Variants in PLA2G2C observed in about 807,000 individuals in gnomAD.
The protein encoded by PLA2G2C is phospholipase A2 group IIC, also known as putative inactive group IIC secretory phospholipase A2.
A neutral mutation model predicts 14.3 loss-of-function variants in PLA2G2C; 15 were observed. That is an observed-to-expected ratio of 1.05 (90% CI 0.70 to 1.62). The LOEUF is 1.62. Ranked by LOEUF, PLA2G2C falls within the 40% of genes most tolerant of loss-of-function variation. PLA2G2C has a pLI of 0.00. For synonymous variants in PLA2G2C, 79 were observed against 67.7 expected, an observed-to-expected ratio of 1.17 and a Z score of -0.82; for missense variants, 162 against 173.2, an observed-to-expected ratio of 0.94 and a Z score of 0.36.
intron 1 of PLA2G2C, among the ~76,000 whole-genome samples, chr1:20,185,220 A>G (rs1223526351): frequency 6.6e-6 from 1 of 152,178 alleles, no homozygotes; most frequent in African/African-American, 2.4e-5. Context: ...CTGAGAGTCT[A>G]ACTGAGGTTA....
At chr1:20,173,765 A>G (rs2018131668) in intron 3 of PLA2G2C, among the ~76,000 whole-genome samples, 2 of 152,224 alleles carry the variant, frequency 1.3e-5, no homozygotes, top group Non-Finnish European at 2.9e-5. Flanking sequence ...CTTGGATTCT[A>G]AGGCCTGAAA....
At chr1:20,165,584 GTGTC>G (rs1389822330) in intron 4 of PLA2G2C, among the ~76,000 whole-genome samples, 1 of 152,204 alleles carries the variant, frequency 6.6e-6, no homozygotes, top group Non-Finnish European at 1.5e-5. Context: ...TTGGGGTTCA[GTGTC>G]TGCACTTTGG....
At chr1:20,177,239 T>C in intron 2 of PLA2G2C, 85 bp downstream of exon 2, 1 of 699,408 alleles carries the variant, frequency 1.4e-6, no homozygotes, top group African/African-American at 1.7e-5. Context: ...TTCCCTCACC[T>C]GGTGCCACCT....
chr1:20,177,257 C>T, intron 2 of PLA2G2C, 67 bp downstream of exon 2: 1 of 699,602 alleles, frequency 1.4e-6, no homozygotes, highest in South Asian at 1.5e-5. Flanking sequence ...CCTGGAGAGT[C>T]CCCCCTCCCA....
At chr1:20,185,951 T>G (rs1399646339) in intron 1 of PLA2G2C, 1 of 152,160 alleles carries the variant, frequency 6.6e-6, no homozygotes, top group African/African-American at 2.4e-5. Flanking sequence ...AGGCTCGCAA[T>G]CCACCGACCT....
In PLA2G2C at chr1:20,163,985, G is replaced by C. The variant is rs775697255; in HGVS notation, c.*6C>G. Reference sequence around the variant, plus strand: ...GCTGGATGATGAGAGGGACCCTGTGGTGTCCCTAGCACCAGGGCTTATGTC... The same window carrying C: ...GCTGGATGATGAGAGGGACCCTGTGCTGTCCCTAGCACCAGGGCTTATGTC... On this transcript the variant is annotated 3_prime_UTR_variant, in exon 5 of 5. Transcript: ENST00000679259. The C allele has an allele frequency of 7.4e-6, 12 of 1,610,968 alleles. No homozygotes were observed. Among genetic ancestry groups the C allele is most frequent in the Non-Finnish European group, 1.0e-5 (12 of 1,178,604 alleles).
At chr1:20,183,583 T>C (rs1280166487) in intron 1 of PLA2G2C, among the ~76,000 whole-genome samples, 1 of 151,606 alleles carries the variant, frequency 6.6e-6, no homozygotes, top group Non-Finnish European at 1.5e-5. Context: ...CTAGGGAGGG[T>C]GCACAGCACC....
At chr1:20,185,290 G>T (rs1225058472) in intron 1 of PLA2G2C, among the ~76,000 whole-genome samples, 1 of 152,170 alleles carries the variant, frequency 6.6e-6, no homozygotes, top group African/African-American at 2.4e-5. Context: ...TTCAATACCC[G>T]TGTGTAGGTG....
At chr1:20,183,548 C>T (rs942026587) in intron 1 of PLA2G2C, among the ~76,000 whole-genome samples, 2 of 152,154 alleles carry the variant, frequency 1.3e-5, no homozygotes, top group East Asian at 1.9e-4. Context: ...CATTAAGGAG[C>T]GTTGTGAAGA....
chr1:20,170,833 G>T (rs531101711), intron 4 of PLA2G2C, among the ~76,000 whole-genome samples: 1 of 141,554 alleles, frequency 7.1e-6, no homozygotes, highest in Non-Finnish European at 1.5e-5. Flanking sequence ...GGGGCAACGT[G>T]GGAAGAAAGT....
intron 2 of PLA2G2C, 76 bp downstream of exon 2, chr1:20,177,248 C>A (rs560125224): frequency 2.7e-5 from 19 of 699,786 alleles, no homozygotes; most frequent in Non-Finnish European, 2.3e-5. Flanking sequence ...CTGGTGCCAC[C>A]TGGAGAGTCC....
At chr1:20,164,569 T>G (rs2017941553) in intron 4 of PLA2G2C, among the ~76,000 whole-genome samples, 2 of 152,198 alleles carry the variant, frequency 1.3e-5, no homozygotes, top group South Asian at 4.1e-4. Flanking sequence ...GGGCCCTGAA[T>G]GGGTGCGCCC....
rs755509185 is a variant in PLA2G2C at position 20,169,015 on chromosome 1, G to T, written c.283+3779C>A. Among the ~76,000 whole-genome samples the T allele has an allele frequency of 2.0e-5, 3 of 152,120 alleles. No homozygotes were observed. The East Asian group carries it at 5.8e-4, about 29-fold the overall frequency. The stretch of plus-strand genomic sequence containing the variant: ...GTTGTTTTCTTCCTCTCCCTCCCCT[G>T]CTTACCTACTGCATCCCAGAGCAGC... On this transcript the variant is annotated intron_variant, in intron 4 of 4. Coordinates refer to ENST00000679259, the MANE Select transcript of PLA2G2C (RefSeq NM_001367969.2).
chr1:20,177,715 AG>A, intron 1 of PLA2G2C, among the ~76,000 whole-genome samples: 1 of 150,160 alleles, frequency 6.7e-6, no homozygotes, highest in South Asian at 2.1e-4. Context: ...TTTTCTTTTG[AG>A]GAGTCCATAT....
intron 1 of PLA2G2C, 33 bp from the exon 2 acceptor site, chr1:20,177,472 A>C: frequency 3.4e-6 from 2 of 589,494 alleles, no homozygotes; most frequent in Non-Finnish European, 6.0e-6. Context: ...AAATGAGGCA[A>C]GGGTATTTGG....
At chr1:20,168,871 C>T (rs1310082874) in intron 4 of PLA2G2C, among the ~76,000 whole-genome samples, 1 of 152,228 alleles carries the variant, frequency 6.6e-6, no homozygotes, top group Non-Finnish European at 1.5e-5. Context: ...GGATAACCAC[C>T]TCCCAGGTGG....
At chr1:20,169,020 C>G (rs1009532013) in intron 4 of PLA2G2C, among the ~76,000 whole-genome samples, 3 of 152,126 alleles carry the variant, frequency 2.0e-5, no homozygotes, top group Non-Finnish European at 4.4e-5. Flanking sequence ...CCCCTGCTTA[C>G]CTACTGCATC....
At chr1:20,167,377 A>G (rs6667486) in intron 4 of PLA2G2C, among the ~76,000 whole-genome samples, 94,110 of 151,940 alleles carry the variant, frequency 0.62, 29,641 homozygotes, top group East Asian at 0.72. Flanking sequence ...CCATCTTCAC[A>G]AGCTCAGTAT....
At chr1:20,166,753 T>C (rs1237778370) in intron 4 of PLA2G2C, among the ~76,000 whole-genome samples, 2 of 152,228 alleles carry the variant, frequency 1.3e-5, no homozygotes, top group East Asian at 3.8e-4. Flanking sequence ...TTGGTCTTCC[T>C]GTCCTTTCTA....
Sources: allele counts gnomAD v4.1 joint callset (sites outside exome capture counted in the v4.1 genomes callset), GRCh38; gene constraint gnomAD v4.1.1; transcripts MANE v1.5; gene names NCBI Gene and HGNC (gene_info 2026-07-23, HGNC 2026-07-21).